Variants in XXYLT1 observed in about 807,000 individuals in gnomAD.
XXYLT1 encodes the protein UDP-xylose:alpha-xyloside alpha-1,3-xylosyltransferase.
In XXYLT1, 20 loss-of-function variants were observed where a neutral mutation model predicts 28.9. That is an observed-to-expected ratio of 0.69 (90% CI 0.49 to 1.00). The LOEUF (loss-of-function observed/expected upper bound fraction) is 1.00, where lower values mean the gene tolerates loss of function less well. Among genes scored for constraint, XXYLT1 ranks in the 50% least tolerant of loss-of-function variants. XXYLT1 has a pLI of 0.00. For missense variants in XXYLT1, 542 were observed against 560.1 expected (o/e 0.97, Z 0.33); for synonymous variants, 257 against 253.8 (o/e 1.01, Z -0.12).
At position 195,150,699 on chromosome 3, in the gene XXYLT1, A is replaced by C. The variant is rs1304421655; in HGVS notation, c.785+5750T>G. On this transcript the variant is annotated intron_variant, in intron 3 of 3. Coordinates refer to ENST00000310380, the MANE Select transcript of XXYLT1 (RefSeq NM_152531.5). The surrounding 1 kb of genome is among the most constrained non-coding windows in gnomAD (Gnocchi z 4.7). ...CCGGAAGCCTATGCCGCCACCAACAAGCTCCCATTCAGAGGATCCTCAGGC... is the reference window on the plus strand; with the variant it reads ...CCGGAAGCCTATGCCGCCACCAACACGCTCCCATTCAGAGGATCCTCAGGC... 6.6e-6 allele frequency among the ~76,000 whole-genome samples: 1 copy of C among 152,120 alleles called. No individual in the cohort carries two copies. Among genetic ancestry groups the C allele is most frequent in the African/African-American group, 2.4e-5 (1 of 41,406 alleles).
chr3:195,112,438 G>GCACACA (rs1560102519), intron 3 of XXYLT1, among the ~76,000 whole-genome samples: 1 of 63,386 alleles, frequency 1.6e-5, no homozygotes, highest in Non-Finnish European at 4.1e-5. Flanking sequence ...GCACACACAC[G>GCACACA]CACGCACACC....
chr3:195,146,378 G>A (rs57929545), intron 3 of XXYLT1, among the ~76,000 whole-genome samples: 1 of 152,224 alleles, frequency 6.6e-6, no homozygotes, highest in African/African-American at 2.4e-5. Flanking sequence ...TTTGGCATAG[G>A]AAACAGATTG....
intron 2 of XXYLT1, among the ~76,000 whole-genome samples, chr3:195,225,758 A>T (rs557443714): frequency 6.8e-6 from 1 of 146,090 alleles, no homozygotes; most frequent in African/African-American, 2.5e-5. Context: ...TAATTTAATC[A>T]TGGGGGGCAG....
chr3:195,203,504 G>A (rs1009669646), intron 2 of XXYLT1, among the ~76,000 whole-genome samples: 4 of 152,176 alleles, frequency 2.6e-5, no homozygotes, highest in Admixed American at 6.5e-5. Context: ...TGACAGCAGT[G>A]CAGAGAAGGA....
At chr3:195,112,200 C>T (rs886733372) in intron 3 of XXYLT1, among the ~76,000 whole-genome samples, 6 of 152,142 alleles carry the variant, frequency 3.9e-5, no homozygotes, top group African/African-American at 1.4e-4. Flanking sequence ...GACATCTCAG[C>T]GACACCTGGG....
In XXYLT1 at chr3:195,129,548, G is replaced by A. The variant is rs953196257; in HGVS notation, c.785+26901C>T. 1.3e-5 allele frequency among the ~76,000 whole-genome samples: 2 copies of A among 152,000 alleles called. No homozygotes were observed. Among genetic ancestry groups the A allele is most frequent in the Admixed American group, 6.6e-5 (1 of 15,258 alleles). ...ATGCTTTCAAGGTGCATCGTGCTGC[G>A]GCATGTATCAATTCTTCATTCCCTC... On this transcript the variant is annotated intron_variant, in intron 3 of 3. Transcript: ENST00000310380. The surrounding 1 kb of genome is among the most constrained non-coding windows in gnomAD (Gnocchi z 4.4).
chr3:195,208,535 CAA>C (rs374410605), intron 2 of XXYLT1, among the ~76,000 whole-genome samples: 144 of 152,276 alleles, frequency 9.5e-4, no homozygotes, highest in African/African-American at 3.4e-3. Flanking sequence ...GGGAAAATAC[CAA>C]GAGACAACGC....
chr3:195,200,181 G>A (rs967371254), intron 2 of XXYLT1, among the ~76,000 whole-genome samples: 13 of 152,154 alleles, frequency 8.5e-5, no homozygotes, highest in Admixed American at 4.6e-4. Context: ...CTAGAAAGCC[G>A]TGAAGCAGCG....
At chr3:195,128,953 G>A (rs9835408) in intron 3 of XXYLT1, among the ~76,000 whole-genome samples, 93 of 152,218 alleles carry the variant, frequency 6.1e-4, no homozygotes, top group African/African-American at 2.1e-3. Flanking sequence ...TTGTCCCAGT[G>A]GCCAAGAAAA....
intron 2 of XXYLT1, among the ~76,000 whole-genome samples, chr3:195,197,949 C>T (rs559522732): frequency 4.6e-5 from 7 of 152,334 alleles, no homozygotes; most frequent in South Asian, 4.1e-4. Flanking sequence ...AACTTCTGCA[C>T]GAGCTGGAGA....
intron 3 of XXYLT1, among the ~76,000 whole-genome samples, chr3:195,125,294 A>G (rs968184243): frequency 6.6e-6 from 1 of 152,214 alleles, no homozygotes; most frequent in Non-Finnish European, 1.5e-5. Context: ...CTACTCCTCG[A>G]CCTTCGACCA....
At chr3:195,253,652 C>A (rs1474228963) in intron 1 of XXYLT1, among the ~76,000 whole-genome samples, 1 of 152,050 alleles carries the variant, frequency 6.6e-6, no homozygotes, top group African/African-American at 2.4e-5. Context: ...GTGCCCACCA[C>A]CACGCCTGGC....
chr3:195,138,857 GAAAAAAAAA>G (rs552573280), intron 3 of XXYLT1, among the ~76,000 whole-genome samples: 2 of 84,158 alleles, frequency 2.4e-5, no homozygotes, highest in Non-Finnish European at 4.8e-5. Context: ...TCTGCCTCAG[GAAAAAAAAA>G]AAAAAAAAAA....
chr3:195,234,105 G>C (rs1311146056), intron 1 of XXYLT1, among the ~76,000 whole-genome samples: 6 of 150,150 alleles, frequency 4.0e-5, no homozygotes, highest in African/African-American at 1.5e-4. Context: ...TTTTAGTAGA[G>C]ACGGGGTTTC....
chr3:195,254,134 G>A (rs1317983360), intron 1 of XXYLT1, among the ~76,000 whole-genome samples: 1 of 152,174 alleles, frequency 6.6e-6, no homozygotes, highest in East Asian at 1.9e-4. Flanking sequence ...GGCCCTCAGC[G>A]CTTGGAGACT....
chr3:195,107,429 A>G (rs1164406906), intron 3 of XXYLT1, among the ~76,000 whole-genome samples: 2 of 136,532 alleles, frequency 1.5e-5, no homozygotes, highest in Non-Finnish European at 3.1e-5. Context: ...AGCCAAGATC[A>G]TGCCACTGCA....
intron 3 of XXYLT1, among the ~76,000 whole-genome samples, chr3:195,073,962 G>A (rs1034263564): frequency 6.6e-6 from 1 of 152,168 alleles, no homozygotes; most frequent in African/African-American, 2.4e-5. Context: ...GCTCTCGAGA[G>A]AGCCGGGCTG....
At chr3:195,191,137 A>G (rs1259391296) in intron 2 of XXYLT1, among the ~76,000 whole-genome samples, 1 of 152,198 alleles carries the variant, frequency 6.6e-6, no homozygotes, top group African/African-American at 2.4e-5. Flanking sequence ...CTTAAACTAC[A>G]GTTGACCCTT....
intron 2 of XXYLT1, among the ~76,000 whole-genome samples, chr3:195,174,179 G>A (rs1721545421): frequency 6.6e-6 from 1 of 152,066 alleles, no homozygotes; most frequent in African/African-American, 2.4e-5. Context: ...CCCCATCTTT[G>A]TCTAGAGACC....
Sources: allele counts gnomAD v4.1 joint callset (sites outside exome capture counted in the v4.1 genomes callset), GRCh38; gene constraint gnomAD v4.1.1; non-coding constraint Gnocchi (gnomAD v3.1); transcripts MANE v1.5; gene names NCBI Gene and HGNC (gene_info 2026-07-23, HGNC 2026-07-21).